Variants in MYO7A observed in about 807,000 individuals in gnomAD.
The protein encoded by MYO7A is myosin VIIA, also known as unconventional myosin-VIIa.
MYO7A carries 210 observed loss-of-function variants against 263.8 expected under a neutral mutation model. The ratio of observed to expected loss-of-function variants is 0.80; its 90% CI spans 0.71 to 0.89. The LOEUF (loss-of-function observed/expected upper bound fraction) is 0.89, where lower values mean the gene tolerates loss of function less well. MYO7A is among the 40% of genes least tolerant of loss of function. The pLI, the probability that MYO7A is intolerant of heterozygous loss-of-function variation, is 0.00. For synonymous variants in MYO7A, 1,239 were observed against 1,197.3 expected, an observed-to-expected ratio of 1.03 and a Z score of -0.72; for missense variants, 2,820 against 2,968.3, an observed-to-expected ratio of 0.95 and a Z score of 1.16.
At chr11:77,177,896 C>T (rs1015969920) in intron 19 of MYO7A, among the ~76,000 whole-genome samples, 4 of 152,092 alleles carry the variant, frequency 2.6e-5, no homozygotes, top group Admixed American at 1.3e-4. Flanking sequence ...CACATGCACA[C>T]GTAGATACAT....
chr11:77,204,288 C>A, intron 39 of MYO7A, 59 bp downstream of exon 39: 1 of 1,538,642 alleles, frequency 6.5e-7, no homozygotes, highest in South Asian at 1.2e-5. Flanking sequence ...ACGGGCAGCT[C>A]TTACCCTCCT....
intron 26 of MYO7A, among the ~76,000 whole-genome samples, chr11:77,183,423 G>A (rs1955423158): frequency 6.6e-6 from 1 of 152,246 alleles, no homozygotes; most frequent in Non-Finnish European, 1.5e-5. Context: ...GAGGCCGGTA[G>A]CGGCACAGCT....
rs996159688 is a variant in MYO7A, at chr11:77,162,255, G to A, written c.1479G>A (p.Gln493=). The change falls in exon 13 of 49, where the codon CAG becomes CAA. Residue 493 remains glutamine (Q), a synonymous_variant. Coordinates refer to ENST00000409709, the MANE Select transcript of MYO7A (RefSeq NM_000260.4). ...DWLHIEFTDN[Q]DALDMIANKP... is the part of the protein sequence containing the mutation. ...TGCACATCGAGTTCACTGACAACCA[G>A]GATGCCCTGGACATGATTGCCAACA... is the stretch of plus-strand genomic sequence containing the variant. The A allele has an allele frequency of 1.9e-6, 3 of 1,557,940 alleles. No individual in the cohort carries two copies. The highest frequency in any genetic ancestry group is 3.9e-5 in the Admixed American group (2 of 51,572).
chr11:77,180,516 A>G lies in MYO7A; in HGVS notation c.2694+35A>G, dbSNP rs369611162. ...GAGCCTCCAGGCACCTTAGGTGTCC[A>G]CTTGCTGGCTTGTCCCCTCCCCGAG... On this transcript the variant is annotated intron_variant, in intron 22 of 48. Coordinates refer to ENST00000409709, the MANE Select transcript of MYO7A (RefSeq NM_000260.4). 5.7e-6 allele frequency: 9 copies of G among 1,576,778 alleles called. No individual in the cohort carries two copies. In the African/African-American group the frequency reaches 8.1e-5, roughly 14 times the overall value.
Position 77,181,632 on chromosome 11 carries a change from G to A in MYO7A, c.2904+43G>A, listed in dbSNP as rs373619611. 3.4e-4 allele frequency: 536 copies of A among 1,567,594 alleles called. 2 individuals are homozygous for A. In the African/African-American group the frequency reaches 5.7e-3, roughly 17 times the overall value. On this transcript the variant is annotated intron_variant, in intron 23 of 48. Coordinates refer to ENST00000409709, the MANE Select transcript of MYO7A (RefSeq NM_000260.4). ...GGGGCTCCAGAGGCCCACACACACC[G>A]CTTGTGTTGATCCTCCCTCCTTCTG...
At chr11:77,157,725 T>A (rs1327547656) in intron 8 of MYO7A, among the ~76,000 whole-genome samples, 8 of 152,204 alleles carry the variant, frequency 5.3e-5, no homozygotes, top group African/African-American at 1.9e-4. Context: ...GAAGCGTATA[T>A]GTGTGTGTGC....
chr11:77,179,921 G>A lies in MYO7A; in HGVS notation c.2554G>A (p.Ala852Thr), dbSNP rs541743025. Residue 852 changes from alanine (A) to threonine (T), a missense_variant, in exon 21 of 49, where the codon GCC becomes ACC. Coordinates refer to ENST00000409709, the MANE Select transcript of MYO7A (RefSeq NM_000260.4). ...TVQAYARGMIARRLHQRLRAE... is the reference protein window; with the variant it reads ...TVQAYARGMITRRLHQRLRAE... ...GCAGGCCTATGCCCGGGGCATGATC[G>A]CCCGCAGGCTGCACCAACGCCTCAG... The A allele has an allele frequency of 1.4e-5, 21 of 1,532,402 alleles. No homozygotes were observed. Among genetic ancestry groups the A allele is most frequent in the South Asian group, 2.4e-5 (2 of 83,814 alleles). 94.9% of individuals were successfully genotyped at this position (1,532,402 alleles called of 1,614,324 possible).
At chr11:77,183,399 G>A (rs1955420478) in intron 26 of MYO7A, among the ~76,000 whole-genome samples, 1 of 152,200 alleles carries the variant, frequency 6.6e-6, no homozygotes, top group Admixed American at 6.5e-5. Flanking sequence ...CCTAGCAGAG[G>A]GCACTGAGCA....
chr11:77,130,446 T>G, intron 1 of MYO7A, 143 bp from the exon 2 acceptor site: 2 of 620,358 alleles, frequency 3.2e-6, no homozygotes, highest in Non-Finnish European at 5.7e-6. Flanking sequence ...GGCTGGGCAG[T>G]GGTCAGAGGG....
chr11:77,194,758 C>G (rs1404586281), intron 32 of MYO7A, among the ~76,000 whole-genome samples: 2 of 152,184 alleles, frequency 1.3e-5, no homozygotes, highest in African/African-American at 4.8e-5. Context: ...TATTGGGGCC[C>G]CTTTCCTGGT....
chr11:77,178,976 G>C, intron 19 of MYO7A, 69 bp from the exon 20 acceptor site: 1 of 1,347,222 alleles, frequency 7.4e-7, no homozygotes, highest in Non-Finnish European at 1.0e-6. Context: ...GTGCCCTCCT[G>C]ATCCCAAACC....
chr11:77,149,254 G>A (rs1292276278), intron 4 of MYO7A, among the ~76,000 whole-genome samples: 2 of 152,182 alleles, frequency 1.3e-5, no homozygotes, highest in African/African-American at 2.4e-5. Flanking sequence ...TGCAGGGCTG[G>A]CCTGATTATC....
intron 19 of MYO7A, among the ~76,000 whole-genome samples, chr11:77,178,247 A>G (rs1555081337): frequency 7.8e-6 from 1 of 128,046 alleles, no homozygotes; most frequent in Non-Finnish European, 1.7e-5. Flanking sequence ...CCATCCATCC[A>G]TCCACCCGCC....
rs968100382 is a variant in MYO7A at position 77,190,060 on chromosome 11, C to T, written c.3671C>T (p.Ala1224Val). The change falls in exon 29 of 49, where the codon GCC becomes GTC. Residue 1224 changes from alanine (A) to valine (V), a missense_variant. Ala to Val is a moderately conservative substitution (Grantham distance 64). Coordinates refer to ENST00000409709, the MANE Select transcript of MYO7A (RefSeq NM_000260.4). ...NFIHGGPPGY[A>V]PYCEERLRRT... The stretch of plus-strand genomic sequence containing the variant: ...ATCCACGGGGGCCCGCCCGGCTACG[C>T]CCCGTACTGTGAGGAGCGCCTGAGA... 4 of 1,573,418 alleles carry T rather than the reference C, an allele frequency of 2.5e-6. No individual in the cohort carries two copies. The African/African-American group carries it at 5.4e-5, about 21-fold the overall frequency.
At chr11:77,178,252 C>CCCAT (rs1954829987) in intron 19 of MYO7A, among the ~76,000 whole-genome samples, 6 of 21,598 alleles carry the variant, frequency 2.8e-4, no homozygotes, top group African/African-American at 5.4e-4. Context: ...CATCCATCCA[C>CCCAT]CCGCCCACAC....
chr11:77,195,016 T>C (rs1251665004), intron 32 of MYO7A, among the ~76,000 whole-genome samples: 1 of 151,992 alleles, frequency 6.6e-6, no homozygotes, highest in Non-Finnish European at 1.5e-5. Flanking sequence ...GGTATCCAGA[T>C]GGGGAGAAGG....
Position 77,161,147 on chromosome 11 carries a change from C to T in MYO7A, c.1343+32C>T, listed in dbSNP as rs41298139. The T allele has an allele frequency of 0.016, 25,526 of 1,610,954 alleles. 274 individuals are homozygous for T. The highest frequency in any genetic ancestry group is 0.024 in the Middle Eastern group (147 of 6,056). On this transcript the variant is annotated intron_variant, in intron 12 of 48. Transcript: ENST00000409709. ...CGTGGGGCTCTGCTCATGGGAATTT[C>T]CTTCCCCAATATGGAAATAAGAAAT...
Position 77,202,401 on chromosome 11 carries a change from G to A in MYO7A, c.5145G>A (p.Glu1715=). ...PEVRAKPYTL[E]EFSYDYFRPP... Reference sequence around the variant, plus strand: ...TGCGTGCCAAGCCCTACACGCTGGAGGAGTTTTCCTATGACTACTTCAGGT... The same window carrying A: ...TGCGTGCCAAGCCCTACACGCTGGAAGAGTTTTCCTATGACTACTTCAGGT... Residue 1715 remains glutamate, a synonymous_variant, in exon 37 of 49, where the codon GAG becomes GAA. Transcript: ENST00000409709. 6.4e-7 allele frequency: 1 copy of A among 1,553,568 alleles called. No individual in the cohort carries two copies. The highest frequency in any genetic ancestry group is 1.4e-5 in the African/African-American group (1 of 73,388).
chr11:77,183,360 G>A (rs1955416283), intron 26 of MYO7A, among the ~76,000 whole-genome samples: 2 of 152,162 alleles, frequency 1.3e-5, no homozygotes, highest in South Asian at 4.1e-4. Flanking sequence ...GAAGAGGGTG[G>A]GATCTCAGGC....
Sources: allele counts gnomAD v4.1 joint callset (sites outside exome capture counted in the v4.1 genomes callset), GRCh38; gene constraint gnomAD v4.1.1; transcripts MANE v1.5; gene names NCBI Gene and HGNC (gene_info 2026-07-23, HGNC 2026-07-21).